Variants in MTMR14 observed in about 807,000 individuals in gnomAD.
The protein encoded by MTMR14 is phosphatidylinositol-3,5-bisphosphate 3-phosphatase MTMR14.
MTMR14 carries 48 observed loss-of-function variants against 86.3 expected under a neutral mutation model. That is an observed-to-expected ratio of 0.56 (90% CI 0.44 to 0.71). MTMR14 has a LOEUF of 0.71. Among genes scored for constraint, MTMR14 ranks in the 30% least tolerant of loss-of-function variants. The pLI is 0.00. For synonymous variants in MTMR14, 366 were observed against 326.1 expected (o/e 1.12, Z -1.32); for missense variants, 780 against 834.6 (o/e 0.93, Z 0.81).
intron 1 of MTMR14, chr3:9,650,472 C>T (rs1360886923): frequency 2.3e-6 from 1 of 438,112 alleles, no homozygotes; most frequent in Non-Finnish European, 4.6e-6. Flanking sequence ...CCAAGTTTTC[C>T]AGTGGAATTC....
chr3:9,675,294 A>G (rs1047029138), intron 7 of MTMR14, among the ~76,000 whole-genome samples: 1 of 152,204 alleles, frequency 6.6e-6, no homozygotes, highest in Non-Finnish European at 1.5e-5. Context: ...ATCACTTTTT[A>G]TTTGATAGAC....
Position 9,649,739 on chromosome 3 carries a change from T to C in MTMR14, c.156T>C (p.Ser52=). The change falls in exon 1 of 19, where the codon TCT becomes TCC. Residue 52 remains serine, a synonymous_variant. Transcript: ENST00000296003. ...AGGATGGCAGCGGGACCGGCGGCTC[T>C]AAGGTGAGATTGGAGGTGCGATGAG... ...RAKDGSGTGG[S]KVERIEKRCL... is the part of the protein sequence containing the mutation. 6.2e-7 allele frequency: 1 copy of C among 1,613,308 alleles called. No individual in the cohort carries two copies. Among genetic ancestry groups the C allele is most frequent in the East Asian group, 2.2e-5 (1 of 44,860 alleles).
Position 9,685,979 on chromosome 3 carries a change from C to T in MTMR14, c.1164+732C>T, listed in dbSNP as rs188597310. 2.0e-5 allele frequency among the ~76,000 whole-genome samples: 3 copies of T among 152,202 alleles called. No homozygotes were observed. The East Asian group carries it at 5.8e-4, about 29-fold the overall frequency. On this transcript the variant is annotated intron_variant, in intron 13 of 18. Transcript: ENST00000296003. The stretch of plus-strand genomic sequence containing the variant: ...GCGTGAGAGAATGAGTCCAGGTGCC[C>T]AGCATGGAAGCTGTCCCACGGTGTC...
chr3:9,682,441 A>T (rs1257848768), intron 9 of MTMR14, among the ~76,000 whole-genome samples: 1 of 152,202 alleles, frequency 6.6e-6, no homozygotes, highest in Non-Finnish European at 1.5e-5. Context: ...GCTAGGGAAA[A>T]GGGTGCCGCA....
Position 9,649,527 on chromosome 3 carries a change from T to G in MTMR14, c.-57T>G, listed in dbSNP as rs1366534660. The G allele has an allele frequency of 6.7e-7, 1 of 1,502,218 alleles. No individual in the cohort carries two copies. The highest frequency in any genetic ancestry group is 8.9e-7 in the Non-Finnish European group (1 of 1,128,566). The allele number at this position is 1,502,218 out of a possible 1,614,324, so 93.1% of individuals were successfully genotyped here. A position where few individuals can be genotyped will look rare whatever the true frequency, so the allele number is the denominator to read the frequency against. ...CGGAGGTTCTAGTGTCGGAGTTGGG[T>G]GCAGGCAGGTGCCATGGGCCCGCTT... On this transcript the variant is annotated 5_prime_UTR_variant, in exon 1 of 19. Transcript: ENST00000296003.
At chr3:9,696,687 A>T (rs1366123874) in intron 17 of MTMR14, among the ~76,000 whole-genome samples, 1 of 152,174 alleles carries the variant, frequency 6.6e-6, no homozygotes, top group African/African-American at 2.4e-5. Flanking sequence ...CTGTCACCTC[A>T]GACTAGGAGC....
Position 9,690,019 on chromosome 3 carries a change from T to C in MTMR14, c.1489T>C (p.Ser497Pro). Reference sequence around the variant, plus strand: ...TGTCCTCTGGAACCGGCCACAACCCTCAGAGGACCGCTTGCCTTCCCAGCA... The same window carrying C: ...TGTCCTCTGGAACCGGCCACAACCCCCAGAGGACCGCTTGCCTTCCCAGCA... ...QSVLWNRPQP[S>P]EDRLPSQQGL... The change falls in exon 17 of 19, where the codon TCA becomes CCA. Residue 497 changes from serine (S) to proline (P), a missense_variant. By Grantham distance (74) the Ser-to-Pro change is moderately conservative. Transcript: ENST00000296003. The C allele has an allele frequency of 6.2e-7, 1 of 1,612,362 alleles. No individual in the cohort carries two copies. The highest frequency in any genetic ancestry group is 8.5e-7 in the Non-Finnish European group (1 of 1,179,912).
chr3:9,670,983 G>A (rs1455938272), intron 5 of MTMR14, 65 bp from the exon 6 acceptor site: 2 of 1,608,782 alleles, frequency 1.2e-6, no homozygotes, highest in Non-Finnish European at 1.7e-6. Context: ...CTGAATGAGT[G>A]CCCACCCCCA....
chr3:9,662,180 A>G (rs762118649), intron 2 of MTMR14, 87 bp from the exon 3 acceptor site: 5 of 898,692 alleles, frequency 5.6e-6, no homozygotes, highest in Non-Finnish European at 7.5e-6. Context: ...ACACAGATCT[A>G]GTATGGGGGT....
At chr3:9,691,196 G>A (rs567437391) in intron 17 of MTMR14, among the ~76,000 whole-genome samples, 4 of 152,202 alleles carry the variant, frequency 2.6e-5, no homozygotes, top group East Asian at 1.9e-4. Context: ...TCACCCCTGC[G>A]TGAACTCTTC....
At position 9,678,576 on chromosome 3, in the gene MTMR14, C is replaced by T. The variant is rs370200343; in HGVS notation, c.897+518C>T. On this transcript the variant is annotated intron_variant, in intron 9 of 18. Coordinates refer to ENST00000296003, the MANE Select transcript of MTMR14 (RefSeq NM_001077525.3). ...TGCCAGCAGCTTTGCTTGCCACTTG[C>T]TTCAGACAGAACAAGTAGTTTTGTT... 6.6e-5 allele frequency among the ~76,000 whole-genome samples: 10 copies of T among 152,232 alleles called. No homozygotes were observed. In the East Asian group the frequency reaches 1.7e-3, roughly 26 times the overall value.
rs1225596376 is a variant in MTMR14, at chr3:9,669,139, C to CA, written c.494-277dup. 5.2e-3 allele frequency among the ~76,000 whole-genome samples: 511 copies of CA among 99,184 alleles called. 5 individuals are homozygous for CA. Among genetic ancestry groups the CA allele is most frequent in the Admixed American group, 0.028 (277 of 9,810 alleles). 65.1% of individuals were successfully genotyped at this position (99,184 alleles called of 152,430 possible). On this transcript the variant is annotated intron_variant, in intron 4 of 18. Coordinates refer to ENST00000296003, the MANE Select transcript of MTMR14 (RefSeq NM_001077525.3). ...TGGGCAACAGAGTGAGACTCCGTCTCAAAAAAAAAAAAAAAAGAATAGCCA... is the reference window on the plus strand; with the variant it reads ...TGGGCAACAGAGTGAGACTCCGTCTCAAAAAAAAAAAAAAAAAGAATAGCCA...
chr3:9,659,755 G>C (rs1234215950), intron 2 of MTMR14: 1 of 456,560 alleles, frequency 2.2e-6, no homozygotes, highest in Non-Finnish European at 4.4e-6. Flanking sequence ...AACTGAATTG[G>C]AGCTTGATGT....
At chr3:9,674,795 TC>T (rs1333224385) in intron 7 of MTMR14, among the ~76,000 whole-genome samples, 1 of 152,136 alleles carries the variant, frequency 6.6e-6, no homozygotes, top group African/African-American at 2.4e-5. Flanking sequence ...CTGAATGCTT[TC>T]CCCAAAGCTT....
At chr3:9,689,117 G>A (rs1367871506) in intron 16 of MTMR14, 35 bp downstream of exon 16, 10 of 1,603,418 alleles carry the variant, frequency 6.2e-6, no homozygotes, top group Non-Finnish European at 8.5e-6. Context: ...GTCACTCACA[G>A]CTGTGGCCCG....
intron 3 of MTMR14, among the ~76,000 whole-genome samples, chr3:9,663,527 T>C (rs1362740831): frequency 3.6e-5 from 5 of 138,808 alleles, no homozygotes; most frequent in African/African-American, 1.5e-4. Context: ...TTTTTTTTTT[T>C]GAGGCAGCAG....
chr3:9,679,321 C>T (rs910614406), intron 9 of MTMR14, among the ~76,000 whole-genome samples: 2 of 152,214 alleles, frequency 1.3e-5, no homozygotes, highest in Non-Finnish European at 2.9e-5. Flanking sequence ...GCTGTGGTCT[C>T]ATGTCCCAGG....
intron 2 of MTMR14, among the ~76,000 whole-genome samples, chr3:9,656,001 C>A (rs940683631): frequency 6.6e-6 from 1 of 151,950 alleles, no homozygotes; most frequent in Non-Finnish European, 1.5e-5. Flanking sequence ...TTGAGACCAT[C>A]CTGGCCAACA....
intron 6 of MTMR14, among the ~76,000 whole-genome samples, chr3:9,671,936 C>T (rs1236771830): frequency 2.0e-5 from 3 of 152,122 alleles, no homozygotes; most frequent in African/African-American, 7.2e-5. Flanking sequence ...CTGAATATTG[C>T]CTTATTCCTC....
Sources: allele counts gnomAD v4.1 joint callset (sites outside exome capture counted in the v4.1 genomes callset), GRCh38; gene constraint gnomAD v4.1.1; transcripts MANE v1.5; gene names NCBI Gene and HGNC (gene_info 2026-07-23, HGNC 2026-07-21).